LINGO1: variants seen among roughly 807,000 people sequenced by gnomAD.
LINGO1 encodes leucine-rich repeat and immunoglobulin-like domain-containing nogo receptor-interacting protein 1.
Under a neutral mutation model 37.3 loss-of-function variants are expected in LINGO1, and 11 were observed. The observed-to-expected ratio is 0.29, with a 90% CI of 0.19 to 0.49. The LOEUF is 0.49. LINGO1 is among the 20% of genes least tolerant of loss of function. The probability of loss-of-function intolerance (pLI) is 0.99; values close to 1 mark genes in which losing one functional copy is unlikely to be tolerated. For missense variants in LINGO1, 585 were observed against 878.2 expected, an observed-to-expected ratio of 0.67 and a Z score of 4.22; for synonymous variants, 387 against 403.0, an observed-to-expected ratio of 0.96 and a Z score of 0.48.
At chr15:77,750,442 G>A (rs369605580) in intron 1 of LINGO1, among the ~76,000 whole-genome samples, 5 of 152,162 alleles carry the variant, frequency 3.3e-5, no homozygotes, top group Non-Finnish European at 7.4e-5. Context: ...ACACGCACGC[G>A]CTCCAGTCCC....
rs952109194 is a variant in LINGO1, at chr15:77,717,402, C to T, written c.-195+17590G>A. Among the ~76,000 whole-genome samples, 24 of 150,716 alleles carry T rather than the reference C, an allele frequency of 1.6e-4. 1 individual carries two copies. Among genetic ancestry groups the T allele is most frequent in the Admixed American group, 9.3e-4 (14 of 15,112 alleles). The stretch of plus-strand genomic sequence containing the variant: ...CCAGGTGCCAGCCAGCCTGTGGGGC[C>T]GCCACATGCATGTAGGAGCCAGTGT... On this transcript the variant is annotated intron_variant, in intron 2 of 3. Coordinates refer to the LINGO1 transcript ENST00000561686.
chr15:77,731,383 C>T (rs895385719), intron 2 of LINGO1, among the ~76,000 whole-genome samples: 1 of 152,176 alleles, frequency 6.6e-6, no homozygotes, highest in Non-Finnish European at 1.5e-5. Context: ...GTCCCCTGCC[C>T]GGGACAGCCA....
rs773341673 is a variant in LINGO1, at chr15:77,614,621, C to T, written c.1286G>A (p.Arg429His). The T allele has an allele frequency of 2.7e-5, 43 of 1,610,590 alleles. No individual in the cohort carries two copies. The highest frequency in any genetic ancestry group is 2.6e-4 in the South Asian group (24 of 90,612). ...GTCCACAAACACCTGCTGGGCCTTG[C>T]GGTCCCGGATGCGGGCGCGGCGGCA... Reference protein sequence around the residue: ...FTCRRARIRDRKAQQVFVDEG... With the variant: ...FTCRRARIRDHKAQQVFVDEG... Residue 429 changes from arginine (R) to histidine (H), a missense_variant, in exon 2 of 2, where the codon CGC becomes CAC. By Grantham distance (29) the Arg-to-His change is conservative (BLOSUM62 0). This residue lies in a region of LINGO1 where 484 missense variants were observed against 735.0 expected (regional missense o/e 0.66). Transcript: ENST00000355300.
At chr15:77,647,797 T>A (rs2074668467) in intron 3 of LINGO1, 2 of 452,388 alleles carry the variant, frequency 4.4e-6, no homozygotes, top group African/African-American at 4.0e-5. Flanking sequence ...TCTTTCCTTG[T>A]CTCTCTCTCA....
intron 3 of LINGO1, among the ~76,000 whole-genome samples, chr15:77,655,922 C>A (rs1258114902): frequency 6.6e-6 from 1 of 152,232 alleles, no homozygotes; most frequent in East Asian, 1.9e-4. Flanking sequence ...TCCACTTCTG[C>A]CCCGGTCACG....
intron 1 of LINGO1, among the ~76,000 whole-genome samples, chr15:77,810,690 G>C (rs777688972): frequency 4.6e-5 from 7 of 152,196 alleles, no homozygotes; most frequent in African/African-American, 1.2e-4. Flanking sequence ...CTCTAAGTAC[G>C]CCTTCTAGTT....
chr15:77,619,179 C>T (rs570297871), intron 1 of LINGO1, among the ~76,000 whole-genome samples: 358 of 152,162 alleles, frequency 2.4e-3, no homozygotes, highest in African/African-American at 8.3e-3. Flanking sequence ...GTGTGTCTCA[C>T]CTGCTAGAGA....
At chr15:77,710,843 C>T (rs2075910287) in intron 2 of LINGO1, among the ~76,000 whole-genome samples, 1 of 152,270 alleles carries the variant, frequency 6.6e-6, no homozygotes, top group East Asian at 1.9e-4. Context: ...GGCCTCTCTG[C>T]TCTTGGCAGC....
At chr15:77,775,185 C>T (rs756150100) in intron 1 of LINGO1, among the ~76,000 whole-genome samples, 2 of 152,152 alleles carry the variant, frequency 1.3e-5, no homozygotes, top group Non-Finnish European at 2.9e-5. Flanking sequence ...CTCCAGTCTC[C>T]TTGGCCATGG....
At chr15:77,810,296 ACG>A (rs1246315564) in intron 1 of LINGO1, among the ~76,000 whole-genome samples, 8 of 146,390 alleles carry the variant, frequency 5.5e-5, no homozygotes, top group Non-Finnish European at 1.2e-4. Context: ...GCACACACAC[ACG>A]GGTAACTAGG....
chr15:77,753,790 A>G (rs1418507493), intron 1 of LINGO1, among the ~76,000 whole-genome samples: 1 of 152,240 alleles, frequency 6.6e-6, no homozygotes, highest in Non-Finnish European at 1.5e-5. Flanking sequence ...GTTTATCTAA[A>G]CAACGTATGG....
rs1457666343 is a variant in LINGO1 at position 77,614,028 on chromosome 15, G to GC, written c.*15dup. ...CCTGCCCGGCCGCCCGGGGGTCCCT[G>GC]CCCCCCGCCCCGGCCTCATATCATC... On this transcript the variant is annotated 3_prime_UTR_variant, in exon 2 of 2. Transcript: ENST00000355300. 1.9e-5 allele frequency: 29 copies of GC among 1,548,936 alleles called. No homozygotes were observed. In the Middle Eastern group the frequency reaches 2.2e-3, roughly 115 times the overall value.
chr15:77,742,537 C>A (rs192854349), intron 1 of LINGO1, among the ~76,000 whole-genome samples: 2 of 152,216 alleles, frequency 1.3e-5, no homozygotes, highest in South Asian at 4.1e-4. Context: ...TAATTTGAAC[C>A]CAGATCTGGG....
intron 1 of LINGO1, among the ~76,000 whole-genome samples, chr15:77,623,842 G>A (rs996588231): frequency 6.6e-6 from 1 of 151,310 alleles, no homozygotes; most frequent in African/African-American, 2.4e-5. Context: ...GTGTGTGTGT[G>A]TGTGAGTGGC....
intron 1 of LINGO1, among the ~76,000 whole-genome samples, chr15:77,752,077 C>A (rs1456184679): frequency 6.6e-6 from 1 of 152,350 alleles, no homozygotes; most frequent in Non-Finnish European, 1.5e-5. Context: ...GGGACAGAAC[C>A]AGGATCTATG....
Position 77,614,083 on chromosome 15 carries a change from G to T in LINGO1, c.1824C>A (p.Ser608=). ...VPRKSDAGIS[S]ADAPRKFNMK... is the part of the protein sequence containing the mutation. ...TGTTGAACTTGCGGGGCGCGTCGGCGGAGCTGATGCCTGCGTCCGACTTTC... is the reference window on the plus strand; with the variant it reads ...TGTTGAACTTGCGGGGCGCGTCGGCTGAGCTGATGCCTGCGTCCGACTTTC... The change falls in exon 2 of 2, where the codon TCC becomes TCA. Residue 608 remains serine (S), a synonymous_variant. Coordinates refer to ENST00000355300, the MANE Select transcript of LINGO1 (RefSeq NM_032808.7). The T allele has an allele frequency of 6.2e-7, 1 of 1,612,138 alleles. No individual in the cohort carries two copies. Among genetic ancestry groups the T allele is most frequent in the Non-Finnish European group, 8.5e-7 (1 of 1,179,024 alleles).
intron 2 of LINGO1, among the ~76,000 whole-genome samples, chr15:77,728,056 A>G (rs576698931): frequency 1.3e-5 from 2 of 152,308 alleles, no homozygotes; most frequent in South Asian, 4.2e-4. Flanking sequence ...GTCCCCTCTT[A>G]CCAGGCCTCT....
intron 2 of LINGO1, among the ~76,000 whole-genome samples, chr15:77,719,351 C>A (rs1287412602): frequency 1.3e-5 from 2 of 149,972 alleles, no homozygotes. Flanking sequence ...CATCTCCATT[C>A]GGTCCCTTTA....
At chr15:77,811,342 A>AGG (rs528022802) in intron 1 of LINGO1, among the ~76,000 whole-genome samples, 1 of 152,238 alleles carries the variant, frequency 6.6e-6, no homozygotes, top group Admixed American at 6.5e-5. Context: ...AACCTAAAAG[A>AGG]GGGTCACTTC....
Sources: gnomAD v4.1 joint callset for allele counts (sites outside exome capture counted in the v4.1 genomes callset) on GRCh38, gnomAD v4.1.1 for gene constraint, gnomAD v4.1.1 regional missense constraint, MANE v1.5 for transcripts, NCBI Gene and HGNC (gene_info 2026-07-23, HGNC 2026-07-21) for gene names.